EEIG1: variants seen among roughly 807,000 people sequenced by gnomAD.
EEIG1 encodes estrogen-induced osteoclastogenesis regulator 1.
the EEIG1 span, chr9:127,963,787 G>C: frequency 6.6e-6 from 1 of 152,250 alleles, no homozygotes; most frequent in Non-Finnish European, 1.5e-5. Context: ...GTGCCGGCTC[G>C]GGGTGCGGGA....
At chr9:127,959,812 G>A in the EEIG1 span, among the ~76,000 whole-genome samples, 1 of 152,166 alleles carries the variant, frequency 6.6e-6, no homozygotes, top group Admixed American at 6.6e-5. Context: ...AAATTACCCA[G>A]TCTTCGGTAT....
chr9:127,971,950 G>A, the EEIG1 span, among the ~76,000 whole-genome samples: 5 of 152,178 alleles, frequency 3.3e-5, no homozygotes, highest in Admixed American at 1.3e-4. Context: ...AGTGGAAGCC[G>A]ACGAGGCCAG....
the EEIG1 span, among the ~76,000 whole-genome samples, chr9:127,956,429 A>C: frequency 1.3e-5 from 2 of 152,176 alleles, no homozygotes. Flanking sequence ...TATTTTTTTG[A>C]GATGGAGTTT....
chr9:127,949,890 C>T, the EEIG1 span, among the ~76,000 whole-genome samples: 1 of 152,194 alleles, frequency 6.6e-6, no homozygotes, highest in African/African-American at 2.4e-5. Flanking sequence ...TGGAAACCTG[C>T]CCCCGGGGCC....
the EEIG1 span, chr9:127,944,908 G>A: frequency 6.2e-7 from 1 of 1,609,192 alleles, no homozygotes; most frequent in Non-Finnish European, 8.5e-7. Flanking sequence ...CCTGGGTCAG[G>A]TCGTGGGGGG....
the EEIG1 span, chr9:127,944,243 G>A: frequency 1.2e-5 from 4 of 340,866 alleles, no homozygotes; most frequent in African/African-American, 6.3e-5. Context: ...GTAAACCCAT[G>A]AGGCATCACC....
the EEIG1 span, among the ~76,000 whole-genome samples, chr9:127,964,837 C>T: frequency 1.3e-5 from 2 of 152,132 alleles, no homozygotes; most frequent in African/African-American, 4.8e-5. Flanking sequence ...CGCGGTGGCT[C>T]ACACCTGTAA....
At chr9:127,950,512 C>T in the EEIG1 span, 3 of 1,613,878 alleles carry the variant, frequency 1.9e-6, no homozygotes, top group Non-Finnish European at 2.5e-6. Context: ...CCCGCAAACT[C>T]GGCCAGGTTC....
the EEIG1 span, chr9:127,945,726 AG>A: frequency 1.3e-6 from 2 of 1,580,814 alleles, no homozygotes; most frequent in Non-Finnish European, 1.7e-6. The surrounding 1 kb of genome is among the most constrained non-coding windows in gnomAD (Gnocchi z 6.5). Context: ...AGGGCTGGAC[AG>A]GTTCTGGTCG....
the EEIG1 span, chr9:127,950,423 C>T: frequency 1.2e-6 from 2 of 1,613,660 alleles, no homozygotes; most frequent in Non-Finnish European, 8.5e-7. Flanking sequence ...TCCCTGGTAC[C>T]TTAAGGATGG....
the EEIG1 span, among the ~76,000 whole-genome samples, chr9:127,952,688 T>TA: frequency 6.6e-6 from 1 of 152,122 alleles, no homozygotes; most frequent in Non-Finnish European, 1.5e-5. Flanking sequence ...ATGGATTAAG[T>TA]AAAAAACCAA....
the EEIG1 span, among the ~76,000 whole-genome samples, chr9:127,979,492 T>C: frequency 1.6e-4 from 25 of 152,190 alleles, no homozygotes; most frequent in African/African-American, 5.1e-4. Context: ...CAGAGGAGGA[T>C]AGTCACTCGG....
chr9:127,950,369 T>C, the EEIG1 span: 7 of 1,563,396 alleles, frequency 4.5e-6, no homozygotes, highest in Non-Finnish European at 6.2e-6. Context: ...ATGAGCAGCC[T>C]GGTTTGTCCC....
the EEIG1 span, chr9:127,953,618 G>A: frequency 6.2e-7 from 1 of 1,614,010 alleles, no homozygotes; most frequent in Non-Finnish European, 8.5e-7. Context: ...CACAGGGAGG[G>A]AGACACAAGC....
At chr9:127,980,245 G>T in the EEIG1 span, 1 of 1,265,372 alleles carries the variant, frequency 7.9e-7, no homozygotes, top group Non-Finnish European at 1.1e-6. Flanking sequence ...GCCGGATCCC[G>T]CCCTGATGGT....
At chr9:127,973,682 G>A in the EEIG1 span, among the ~76,000 whole-genome samples, 1 of 152,232 alleles carries the variant, frequency 6.6e-6, no homozygotes, top group African/African-American at 2.4e-5. The surrounding 1 kb of genome is among the most constrained non-coding windows in gnomAD (Gnocchi z 4.2). Flanking sequence ...GGAACCAGCA[G>A]ATGGCCTGGT....
chr9:127,956,346 T>C, the EEIG1 span, among the ~76,000 whole-genome samples: 1 of 152,218 alleles, frequency 6.6e-6, no homozygotes, highest in Non-Finnish European at 1.5e-5. Flanking sequence ...AAAACTATAT[T>C]AACAGATGAC....
the EEIG1 span, chr9:127,945,544 G>A: frequency 1.2e-5 from 19 of 1,564,324 alleles, no homozygotes; most frequent in East Asian, 2.4e-4. The surrounding 1 kb of genome is among the most constrained non-coding windows in gnomAD (Gnocchi z 6.5). Flanking sequence ...GGAGGAGCGC[G>A]AGTGCTCTGT....
chr9:127,969,631 A>G, the EEIG1 span, among the ~76,000 whole-genome samples: 1 of 152,070 alleles, frequency 6.6e-6, no homozygotes, highest in African/African-American at 2.4e-5. Context: ...CTCCCCATGA[A>G]CAGCCAAGCC....
Sources: gnomAD v4.1 joint callset for allele counts (sites outside exome capture counted in the v4.1 genomes callset) on GRCh38, gnomAD v4.1.1 for gene constraint, Gnocchi (gnomAD v3.1) non-coding constraint, MANE v1.5 for transcripts, NCBI Gene and HGNC (gene_info 2026-07-23, HGNC 2026-07-21) for gene names.